INSYN2A: variants seen among roughly 807,000 people sequenced by gnomAD.
INSYN2A encodes the protein family with sequence similarity 196 member A.
A neutral mutation model predicts 39.4 loss-of-function variants in INSYN2A; 17 were observed. The observed-to-expected ratio is 0.43, with a 90% CI of 0.30 to 0.65. INSYN2A has a LOEUF of 0.65. Among genes scored for constraint, INSYN2A ranks in the 30% least tolerant of loss-of-function variants. INSYN2A has a pLI of 0.14. For missense variants in INSYN2A, 595 were observed against 631.2 expected, an observed-to-expected ratio of 0.94 and a Z score of 0.61; for synonymous variants, 255 against 265.7, an observed-to-expected ratio of 0.96 and a Z score of 0.39.
Position 127,139,715 on chromosome 10 carries a change from G to A in INSYN2A, c.1257-1695C>T, listed in dbSNP as rs576863223. Reference sequence around the variant, plus strand: ...TCCACCTGATGCTGGTTTGGGAGTCGGGGGCTCCTTAAACTTCAATTCTTT... The same window carrying A: ...TCCACCTGATGCTGGTTTGGGAGTCAGGGGCTCCTTAAACTTCAATTCTTT... On this transcript the variant is annotated intron_variant, in intron 5 of 5. Coordinates refer to ENST00000522781, the MANE Select transcript of INSYN2A (RefSeq NM_001039762.3). Among the ~76,000 whole-genome samples, 180 of 152,212 alleles carry A rather than the reference G, an allele frequency of 1.2e-3. 1 individual carries two copies. Among genetic ancestry groups the A allele is most frequent in the African/African-American group, 4.2e-3 (173 of 41,524 alleles).
chr10:127,183,558 G>A (rs547551549), intron 2 of INSYN2A, among the ~76,000 whole-genome samples: 3 of 152,240 alleles, frequency 2.0e-5, no homozygotes, highest in East Asian at 3.9e-4. Context: ...ACCTGCACTT[G>A]GGGTCCATGT....
chr10:127,181,889 G>A (rs1324568853), intron 2 of INSYN2A, among the ~76,000 whole-genome samples: 2 of 152,226 alleles, frequency 1.3e-5, no homozygotes, highest in Admixed American at 6.5e-5. Flanking sequence ...GGCAAAGCCA[G>A]CTGCCATAGA....
At chr10:127,164,525 A>G (rs1012158758) in intron 4 of INSYN2A, among the ~76,000 whole-genome samples, 6 of 152,098 alleles carry the variant, frequency 3.9e-5, no homozygotes, top group African/African-American at 1.4e-4. Flanking sequence ...GCCCTGTCCC[A>G]GCAACTTGTA....
rs559110073 is a variant in INSYN2A, at chr10:127,139,714, C to T, written c.1257-1694G>A. On this transcript the variant is annotated intron_variant, in intron 5 of 5. Coordinates refer to ENST00000522781, the MANE Select transcript of INSYN2A (RefSeq NM_001039762.3). Reference sequence around the variant, plus strand: ...TTCCACCTGATGCTGGTTTGGGAGTCGGGGGCTCCTTAAACTTCAATTCTT... The same window carrying T: ...TTCCACCTGATGCTGGTTTGGGAGTTGGGGGCTCCTTAAACTTCAATTCTT... Among the ~76,000 whole-genome samples, 36 of 152,220 alleles carry T rather than the reference C, an allele frequency of 2.4e-4. 1 individual carries two copies. The South Asian group carries it at 5.0e-3, about 21-fold the overall frequency.
intron 1 of INSYN2A, among the ~76,000 whole-genome samples, chr10:127,193,501 G>A (rs924209040): frequency 6.6e-5 from 10 of 152,172 alleles, no homozygotes; most frequent in Admixed American, 1.3e-4. Context: ...TCTCTGAGAA[G>A]CATAAGTCAC....
intron 4 of INSYN2A, among the ~76,000 whole-genome samples, chr10:127,162,997 A>G (rs757558808): frequency 5.3e-5 from 8 of 152,170 alleles, no homozygotes; most frequent in Non-Finnish European, 1.0e-4. Context: ...TCTAACCCGC[A>G]TGCAAACCTG....
rs753452292 is a variant in INSYN2A at position 127,148,549 on chromosome 10, G to A, written c.1256+5303C>T. ...TATGTTACAAATTAACCATTTCAGC[G>A]AAGGAGAGAATGGCTGGTTTGCCGA... On this transcript the variant is annotated intron_variant, in intron 5 of 5. Coordinates refer to ENST00000522781, the MANE Select transcript of INSYN2A (RefSeq NM_001039762.3). 9.2e-5 allele frequency among the ~76,000 whole-genome samples: 14 copies of A among 152,244 alleles called. No homozygotes were observed. The South Asian group carries it at 2.3e-3, about 25-fold the overall frequency.
At position 127,145,660 on chromosome 10, in the gene INSYN2A, A is replaced by G. The variant is rs12269298; in HGVS notation, c.1257-7640T>C. ...TTTGAAGATGGGAGTGCGTCTGTCT[A>G]GAGACATGGGTGACGTCCCGGGCTC... is the stretch of plus-strand genomic sequence containing the variant. On this transcript the variant is annotated intron_variant, in intron 5 of 5. Coordinates refer to ENST00000522781, the MANE Select transcript of INSYN2A (RefSeq NM_001039762.3). Among the ~76,000 whole-genome samples, 999 of 152,210 alleles carry G rather than the reference A, an allele frequency of 6.6e-3. 4 individuals carry two copies. The highest frequency in any genetic ancestry group is 0.012 in the Admixed American group (177 of 15,302).
intron 4 of INSYN2A, among the ~76,000 whole-genome samples, chr10:127,165,916 G>T (rs1322611231): frequency 6.6e-6 from 1 of 152,144 alleles, no homozygotes; most frequent in African/African-American, 2.4e-5. Context: ...TCTAGCACCG[G>T]AAAGATGCTT....
intron 4 of INSYN2A, among the ~76,000 whole-genome samples, chr10:127,155,146 G>A (rs1592264943): frequency 6.6e-6 from 1 of 152,190 alleles, no homozygotes; most frequent in East Asian, 1.9e-4. Flanking sequence ...GTGCACAGAA[G>A]GTCTTCTGTC....
chr10:127,141,720 T>C (rs1035890409), intron 5 of INSYN2A, among the ~76,000 whole-genome samples: 1 of 151,942 alleles, frequency 6.6e-6, no homozygotes, highest in African/African-American at 2.4e-5. Flanking sequence ...TTAGTCCCAG[T>C]TGCCCTGGAC....
chr10:127,176,179 G>A lies in INSYN2A; in HGVS notation c.217C>T (p.Arg73Trp), dbSNP rs143780805. The A allele has an allele frequency of 3.1e-4, 500 of 1,614,068 alleles. 1 individual carries two copies. In the African/African-American group the frequency reaches 6.0e-3, roughly 19 times the overall value. ...QLSSGQLGEK[R>W]EAKPVSCRAA... ...CTGCAGGACACGGGCTTGGCCTCCC[G>A]CTTCTCCCCCAGCTGGCCCGAGGAC... Residue 73 changes from arginine to tryptophan, a missense_variant, in exon 4 of 6, where the codon CGG becomes TGG. By Grantham distance (101) the Arg-to-Trp change is moderately radical. Around this residue, in one of 2 missense-constraint regions of INSYN2A, gnomAD observed 478 missense variants for 467.4 expected, o/e 1.02. Transcript: ENST00000522781. This position sits in a 1 kb window ranked among gnomAD's most constrained non-coding sequence, Gnocchi z 4.4.
chr10:127,172,576 G>T (rs892307288), intron 4 of INSYN2A, among the ~76,000 whole-genome samples: 3 of 152,164 alleles, frequency 2.0e-5, no homozygotes, highest in Non-Finnish European at 2.9e-5. Context: ...GAGCAAGAGG[G>T]GGCCCCATAA....
rs778825802 is a variant in INSYN2A, at chr10:127,176,306, G to A, written c.90C>T (p.Tyr30=). ...PAACLALEMK[Y]ALDPNRQIKK... is the part of the protein sequence containing the mutation. ...TAATCTGCCGGTTGGGGTCCAGGGC[G>A]TATTTCATCTCCAGGGCCAGGCAGG... The change falls in exon 4 of 6, where the codon TAC becomes TAT. Residue 30 remains tyrosine, a synonymous_variant. Transcript: ENST00000522781. This position sits in a 1 kb window ranked among gnomAD's most constrained non-coding sequence, Gnocchi z 4.4. The A allele has an allele frequency of 3.7e-5, 60 of 1,613,996 alleles. No individual in the cohort carries two copies. The highest frequency in any genetic ancestry group is 4.5e-5 in the Non-Finnish European group (53 of 1,180,046).
At chr10:127,140,619 C>CAGTTGAGTTTGACACACCAAGTCTCTG (rs1370380607) in intron 5 of INSYN2A, among the ~76,000 whole-genome samples, 28 of 48,240 alleles carry the variant, frequency 5.8e-4, no homozygotes, top group Non-Finnish European at 1.4e-3. Context: ...CCAAGTCTCT[C>CAGTTGAGTTTGACACACCAAGTCTCTG]GGTTGAGTTT....
chr10:127,182,197 A>G (rs1380524269), intron 2 of INSYN2A, among the ~76,000 whole-genome samples: 2 of 152,204 alleles, frequency 1.3e-5, no homozygotes, highest in Admixed American at 6.5e-5. Context: ...CAAAGCAGGG[A>G]AAAGGGGCAC....
chr10:127,145,694 G>T (rs953075982), intron 5 of INSYN2A, among the ~76,000 whole-genome samples: 7 of 152,102 alleles, frequency 4.6e-5, no homozygotes, highest in Non-Finnish European at 1.0e-4. Context: ...TCCCAGTGTT[G>T]GTGTGAAGGC....
chr10:127,158,417 C>T (rs1302307753), intron 4 of INSYN2A, among the ~76,000 whole-genome samples: 1 of 152,146 alleles, frequency 6.6e-6, no homozygotes, highest in Non-Finnish European at 1.5e-5. Flanking sequence ...ACATTTGGAT[C>T]ACAAATTATA....
At chr10:127,139,422 T>G (rs1483139656) in intron 5 of INSYN2A, among the ~76,000 whole-genome samples, 2 of 152,320 alleles carry the variant, frequency 1.3e-5, no homozygotes, top group African/African-American at 4.8e-5. Context: ...GAGAAGTTTA[T>G]GGCTAGTGAC....
Sources: allele counts gnomAD v4.1 joint callset (sites outside exome capture counted in the v4.1 genomes callset), GRCh38; gene constraint gnomAD v4.1.1; regional missense constraint gnomAD v4.1.1; non-coding constraint Gnocchi (gnomAD v3.1); transcripts MANE v1.5; gene names NCBI Gene and HGNC (gene_info 2026-07-23, HGNC 2026-07-21).